The following GAN variants were observed in gnomAD, a reference collection of about 807,000 sequenced individuals.
GAN encodes the protein epididymis secretory sperm binding protein.
A neutral mutation model predicts 71.3 loss-of-function variants in GAN; 48 were observed. The observed-to-expected ratio is 0.67, with a 90% CI of 0.53 to 0.86. The LOEUF is 0.86. Ranked by LOEUF, GAN falls within the 40% of genes least tolerant of loss-of-function variation. GAN has a pLI of 0.00. For missense variants in GAN, 928 were observed against 770.1 expected, an observed-to-expected ratio of 1.21 and a Z score of -2.43; for synonymous variants, 386 against 276.8, an observed-to-expected ratio of 1.39 and a Z score of -3.92.
chr16:81,358,274 C>G (rs983659912), intron 5 of GAN, among the ~76,000 whole-genome samples: 3 of 152,158 alleles, frequency 2.0e-5, no homozygotes, highest in Admixed American at 6.6e-5. Flanking sequence ...GTAGTCCCAT[C>G]TTTGAAATTC....
At chr16:81,333,513 AG>A (rs749663820) in intron 1 of GAN, among the ~76,000 whole-genome samples, 2 of 152,224 alleles carry the variant, frequency 1.3e-5, no homozygotes, top group East Asian at 3.8e-4. Context: ...GGCTATGCAT[AG>A]CCTGGGGGGA....
chr16:81,372,520 C>T (rs1911068984), intron 9 of GAN, among the ~76,000 whole-genome samples: 1 of 152,108 alleles, frequency 6.6e-6, no homozygotes, highest in South Asian at 2.1e-4. Context: ...AGATGTGATT[C>T]AGTTAAATTT....
intron 1 of GAN, among the ~76,000 whole-genome samples, chr16:81,334,724 G>T (rs1228087085): frequency 6.6e-6 from 1 of 152,206 alleles, no homozygotes; most frequent in South Asian, 2.1e-4. Context: ...AAACCAGTGG[G>T]ATGGAGTGCA....
chr16:81,357,219 T>A (rs1910520128), intron 4 of GAN, among the ~76,000 whole-genome samples: 1 of 152,200 alleles, frequency 6.6e-6, no homozygotes, highest in Admixed American at 6.5e-5. Context: ...ACTCATCATT[T>A]AGCATTAGAT....
At chr16:81,353,695 C>G (rs16955138) in intron 2 of GAN, among the ~76,000 whole-genome samples, 3,856 of 152,068 alleles carry the variant, frequency 0.025, 79 homozygotes, top group East Asian at 0.082. Flanking sequence ...AGAACTGTTT[C>G]TTTCCTGATG....
At chr16:81,354,823 T>G (rs773068809) in intron 3 of GAN, 68 bp downstream of exon 3, 7 of 893,198 alleles carry the variant, frequency 7.8e-6, no homozygotes, top group Non-Finnish European at 1.3e-5. Flanking sequence ...TTTAGTTGTT[T>G]TATTTTTCTT....
chr16:81,349,550 A>G (rs1457636100), intron 1 of GAN, among the ~76,000 whole-genome samples: 1 of 152,188 alleles, frequency 6.6e-6, no homozygotes, highest in African/African-American at 2.4e-5. Context: ...GGGCTGAGGC[A>G]GGAGAATCAC....
At chr16:81,319,087 G>A (rs905748812) in intron 1 of GAN, among the ~76,000 whole-genome samples, 2 of 151,858 alleles carry the variant, frequency 1.3e-5, no homozygotes, top group African/African-American at 4.8e-5. Context: ...AGGCTGAGGC[G>A]GGAGGATCCC....
rs982338741 is a variant in GAN at position 81,356,945 on chromosome 16, A to G, written c.794A>G (p.Asn265Ser). 7.4e-6 allele frequency: 12 copies of G among 1,613,838 alleles called. No homozygotes were observed. Among genetic ancestry groups the G allele is most frequent in the African/African-American group, 4.0e-5 (3 of 75,018 alleles). Reference sequence around the variant, plus strand: ...CAGCAAGGGGAGGCGATGCTGGCCAACTTCAAACCCCGGGGCTACTCTGAG... The same window carrying G: ...CAGCAAGGGGAGGCGATGCTGGCCAGCTTCAAACCCCGGGGCTACTCTGAG... ...QPQQGEAMLA[N>S]FKPRGYSECI... Residue 265 changes from asparagine to serine, a missense_variant, in exon 4 of 11, where the codon AAC (asparagine) becomes AGC (serine). Coordinates refer to ENST00000648994, the MANE Select transcript of GAN (RefSeq NM_022041.4).
At position 81,385,999 on chromosome 16, in the gene GAN, C is replaced by T. The variant is rs1026406201; in HGVS notation, c.*8403C>T. The T allele has an allele frequency of 1.3e-5, 2 of 152,140 alleles. No individual in the cohort carries two copies. The highest frequency in any genetic ancestry group is 4.8e-5 in the African/African-American group (2 of 41,404). The allele number at this position is 152,140 out of a possible 1,614,324, so 9.4% of individuals were successfully genotyped here. A position where few individuals can be genotyped will look rare whatever the true frequency, so the allele number is the denominator to read the frequency against. ...CTCCTGAGCTCAGGCAATCCGCCTG[C>T]CTCAACCTCCCAAAGTGCTGGGATT... On this transcript the variant is annotated 3_prime_UTR_variant, in exon 11 of 11. Transcript: ENST00000648994.
intron 2 of GAN, among the ~76,000 whole-genome samples, chr16:81,352,597 C>T (rs888856431): frequency 2.0e-5 from 3 of 152,086 alleles, no homozygotes; most frequent in Non-Finnish European, 4.4e-5. Context: ...GGCTGTTTGT[C>T]TTACATATTT....
At chr16:81,376,328 A>G (rs1904279502) in intron 9 of GAN, among the ~76,000 whole-genome samples, 1 of 152,154 alleles carries the variant, frequency 6.6e-6, no homozygotes, top group Admixed American at 6.5e-5. Context: ...TGAATGAATA[A>G]CAAATTCTGG....
At chr16:81,336,271 C>G (rs16955067) in intron 1 of GAN, among the ~76,000 whole-genome samples, 3,217 of 152,226 alleles carry the variant, frequency 0.021, 59 homozygotes, top group East Asian at 0.081. Context: ...TGGAAATGCT[C>G]TTCTTCCATG....
At chr16:81,364,402 A>G (rs1222604153) in intron 7 of GAN, among the ~76,000 whole-genome samples, 2 of 152,174 alleles carry the variant, frequency 1.3e-5, no homozygotes, top group Non-Finnish European at 2.9e-5. Context: ...AATAGCTGGG[A>G]CTACAGGTGT....
At chr16:81,353,236 G>A (rs1910360898) in intron 2 of GAN, among the ~76,000 whole-genome samples, 2 of 149,188 alleles carry the variant, frequency 1.3e-5, no homozygotes, top group South Asian at 2.1e-4. Flanking sequence ...AGCCTGCAGT[G>A]AGCCGAGATT....
chr16:81,350,078 C>G (rs1910248093), intron 1 of GAN, among the ~76,000 whole-genome samples: 1 of 147,384 alleles, frequency 6.8e-6, no homozygotes, highest in South Asian at 2.2e-4. Flanking sequence ...TTTAAGAAGT[C>G]TTTTTTTTTT....
chr16:81,353,512 C>T (rs1451287799), intron 2 of GAN, among the ~76,000 whole-genome samples: 1 of 152,106 alleles, frequency 6.6e-6, no homozygotes, highest in African/African-American at 2.4e-5. Context: ...TTTTGTTGCT[C>T]AGTTTCTAAG....
chr16:81,330,020 C>A (rs896823314), intron 1 of GAN, among the ~76,000 whole-genome samples: 9 of 152,140 alleles, frequency 5.9e-5, no homozygotes, highest in Admixed American at 1.3e-4. Context: ...GAGATATCAT[C>A]ACCTCGCTCA....
chr16:81,370,829 C>G (rs1230918609), intron 9 of GAN, among the ~76,000 whole-genome samples: 1 of 152,258 alleles, frequency 6.6e-6, no homozygotes, highest in Non-Finnish European at 1.5e-5. Context: ...TTACTTCCAT[C>G]CTTTTACTTA....
Sources: allele counts gnomAD v4.1 joint callset (sites outside exome capture counted in the v4.1 genomes callset), GRCh38; gene constraint gnomAD v4.1.1; transcripts MANE v1.5; gene names NCBI Gene and HGNC (gene_info 2026-07-23, HGNC 2026-07-21).